ERP44: variants seen among roughly 807,000 people sequenced by gnomAD.
ERP44 encodes endoplasmic reticulum resident protein 44.
In ERP44, 25 loss-of-function variants were observed where a neutral mutation model predicts 53.4. The observed-to-expected ratio is 0.47, with a 90% CI of 0.34 to 0.65. ERP44 has a LOEUF of 0.65. Ranked by LOEUF, ERP44 falls within the 30% of genes least tolerant of loss-of-function variation. The pLI is 0.01. For synonymous variants in ERP44, 145 were observed against 161.2 expected, an observed-to-expected ratio of 0.90 and a Z score of 0.76; for missense variants, 338 against 493.2, an observed-to-expected ratio of 0.69 and a Z score of 2.98.
intron 1 of ERP44, among the ~76,000 whole-genome samples, chr9:100,081,427 C>A (rs1401543648): frequency 6.6e-6 from 1 of 151,872 alleles, no homozygotes; most frequent in African/African-American, 2.4e-5. Flanking sequence ...GCAGCAACAT[C>A]TGTAAAGCAG....
intron 10 of ERP44, among the ~76,000 whole-genome samples, chr9:99,992,581 G>A (rs1303362906): frequency 6.6e-6 from 1 of 152,160 alleles, no homozygotes; most frequent in Admixed American, 6.5e-5. Flanking sequence ...GCAAAAACTG[G>A]AAGCATTCCC....
chr9:100,081,714 T>C (rs552690086), intron 1 of ERP44, among the ~76,000 whole-genome samples: 1 of 152,232 alleles, frequency 6.6e-6, no homozygotes, highest in African/African-American at 2.4e-5. Context: ...TCACGTCTAT[T>C]GGGGAAATAC....
In ERP44 at chr9:100,007,053, A is replaced by G. The variant is rs572112302; in HGVS notation, c.875-406T>C. Among the ~76,000 whole-genome samples, 4 of 152,320 alleles carry G rather than the reference A, an allele frequency of 2.6e-5. No individual in the cohort carries two copies. In the East Asian group the frequency reaches 7.7e-4, roughly 29 times the overall value. On this transcript the variant is annotated intron_variant, in intron 9 of 11. Coordinates refer to ENST00000262455, the MANE Select transcript of ERP44 (RefSeq NM_015051.3). ...GATTTTTAGTCGAATTCAACCTGCAAGATAGTATGTGACTAAAATGGGCAG... is the reference window on the plus strand; with the variant it reads ...GATTTTTAGTCGAATTCAACCTGCAGGATAGTATGTGACTAAAATGGGCAG...
chr9:100,079,255 T>A (rs1051871838), intron 1 of ERP44, among the ~76,000 whole-genome samples: 2 of 152,156 alleles, frequency 1.3e-5, no homozygotes, highest in Non-Finnish European at 2.9e-5. Context: ...CCAGCCTACA[T>A]CCTTCTCCAG....
At chr9:100,076,305 T>C (rs959759989) in intron 1 of ERP44, among the ~76,000 whole-genome samples, 3 of 152,170 alleles carry the variant, frequency 2.0e-5, no homozygotes, top group African/African-American at 7.2e-5. Context: ...ATAAGTTACA[T>C]GAGGAAGTGG....
intron 1 of ERP44, among the ~76,000 whole-genome samples, chr9:100,070,775 C>T (rs931245344): frequency 2.0e-5 from 3 of 152,066 alleles, no homozygotes; most frequent in African/African-American, 7.2e-5. Flanking sequence ...AAAATGACAC[C>T]ATGAGGATGC....
At chr9:100,045,335 C>T (rs961287858) in intron 4 of ERP44, among the ~76,000 whole-genome samples, 12 of 152,126 alleles carry the variant, frequency 7.9e-5, no homozygotes, top group South Asian at 4.1e-4. Context: ...AATACCTTCC[C>T]GTCAGAATAG....
At chr9:100,020,982 G>A (rs1830582871) in intron 5 of ERP44, among the ~76,000 whole-genome samples, 1 of 152,136 alleles carries the variant, frequency 6.6e-6, no homozygotes, top group African/African-American at 2.4e-5. Flanking sequence ...TTAAGAAATA[G>A]ATAACTATTT....
rs1830155901 is a variant in ERP44, at chr9:99,982,349, T to C, written c.*263A>G. 5.3e-6 allele frequency: 1 copy of C among 190,118 alleles called. No individual in the cohort carries two copies. Among genetic ancestry groups the C allele is most frequent in the Non-Finnish European group, 1.1e-5 (1 of 93,980 alleles). 11.8% of individuals were successfully genotyped at this position (190,118 alleles called of 1,614,324 possible). A position where few individuals can be genotyped will look rare whatever the true frequency, so the allele number is the denominator to read the frequency against. On this transcript the variant is annotated 3_prime_UTR_variant, in exon 12 of 12. Transcript: ENST00000262455. The stretch of plus-strand genomic sequence containing the variant: ...GCAATGTCACCTTTCATTTGATTTA[T>C]AAAACTTTTACAGGACAGATTTAAA...
At chr9:100,028,825 A>C (rs888610079) in intron 4 of ERP44, among the ~76,000 whole-genome samples, 8 of 152,216 alleles carry the variant, frequency 5.3e-5, no homozygotes, top group African/African-American at 1.9e-4. Context: ...ACAAAAACAA[A>C]AACAAAAAAC....
At chr9:100,004,352 A>G (rs1174738987) in intron 10 of ERP44, among the ~76,000 whole-genome samples, 2 of 152,118 alleles carry the variant, frequency 1.3e-5, no homozygotes, top group Non-Finnish European at 2.9e-5. Flanking sequence ...GCTGGTCTGG[A>G]GCCTGAAGCC....
intron 10 of ERP44, among the ~76,000 whole-genome samples, chr9:99,992,855 C>T (rs1158412246): frequency 6.6e-6 from 1 of 152,192 alleles, no homozygotes; most frequent in Non-Finnish European, 1.5e-5. Flanking sequence ...AAATCACAAG[C>T]ATTCTTATAC....
At chr9:99,995,251 T>C (rs1374316647) in intron 10 of ERP44, among the ~76,000 whole-genome samples, 1 of 152,226 alleles carries the variant, frequency 6.6e-6, no homozygotes, top group Non-Finnish European at 1.5e-5. Context: ...TAATAATTTG[T>C]TGGTAATTTC....
chr9:100,046,123 A>C (rs1421578240), intron 4 of ERP44, among the ~76,000 whole-genome samples: 1 of 152,158 alleles, frequency 6.6e-6, no homozygotes, highest in Non-Finnish European at 1.5e-5. Context: ...AAAATAAGAA[A>C]TACTTACTGA....
At chr9:100,059,021 G>C (rs1446460696) in intron 2 of ERP44, among the ~76,000 whole-genome samples, 1 of 152,200 alleles carries the variant, frequency 6.6e-6, no homozygotes, top group Non-Finnish European at 1.5e-5. Flanking sequence ...TAGGGGTCTA[G>C]CAGTTTCCTA....
intron 1 of ERP44, among the ~76,000 whole-genome samples, chr9:100,062,623 G>A (rs2118720787): frequency 6.6e-6 from 1 of 152,252 alleles, no homozygotes; most frequent in African/African-American, 2.4e-5. Flanking sequence ...CCTCAAATCT[G>A]GGTAAGTGGT....
At chr9:100,031,916 A>T (rs577873828) in intron 4 of ERP44, among the ~76,000 whole-genome samples, 1 of 152,232 alleles carries the variant, frequency 6.6e-6, no homozygotes, top group Non-Finnish European at 1.5e-5. Flanking sequence ...TTGACTTTGG[A>T]AGGTATCAGA....
rs933695090 is a variant in ERP44, at chr9:99,981,864, C to T, written c.*748G>A. 6.6e-6 allele frequency: 1 copy of T among 152,284 alleles called. No homozygotes were observed. Among genetic ancestry groups the T allele is most frequent in the East Asian group, 1.9e-4 (1 of 5,188 alleles). The allele number at this position is 152,284 out of a possible 1,614,324, so 9.4% of individuals were successfully genotyped here. A position where few individuals can be genotyped will look rare whatever the true frequency, so the allele number is the denominator to read the frequency against. On this transcript the variant is annotated 3_prime_UTR_variant, in exon 12 of 12. Transcript: ENST00000262455. ...AAGTCATCTAGTTCTGATTGGTAGCCTGTTCCACTGTCACCTCCCTGTCCC... is the reference window on the plus strand; with the variant it reads ...AAGTCATCTAGTTCTGATTGGTAGCTTGTTCCACTGTCACCTCCCTGTCCC...
intron 8 of ERP44, among the ~76,000 whole-genome samples, chr9:100,009,804 C>T (rs1347040049): frequency 6.6e-6 from 1 of 152,188 alleles, no homozygotes; most frequent in African/African-American, 2.4e-5. Context: ...CTAGTCCCCT[C>T]CTCTCTAACC....
Sources: allele counts gnomAD v4.1 joint callset (sites outside exome capture counted in the v4.1 genomes callset), GRCh38; gene constraint gnomAD v4.1.1; transcripts MANE v1.5; gene names NCBI Gene and HGNC (gene_info 2026-07-23, HGNC 2026-07-21).